The following SNRNP40 variants were observed in gnomAD, a reference collection of about 807,000 sequenced individuals.
SNRNP40 encodes U5 small nuclear ribonucleoprotein 40 kDa protein.
SNRNP40 carries 21 observed loss-of-function variants against 45.8 expected under a neutral mutation model. The ratio of observed to expected loss-of-function variants is 0.46; its 90% CI spans 0.32 to 0.66. The LOEUF is 0.66. SNRNP40 is among the 30% of genes least tolerant of loss of function. The pLI, the probability that SNRNP40 is intolerant of heterozygous loss-of-function variation, is 0.03. For missense variants in SNRNP40, 344 were observed against 439.1 expected (o/e 0.78, Z 1.94); for synonymous variants, 142 against 163.8 (o/e 0.87, Z 1.01).
intron 8 of SNRNP40, among the ~76,000 whole-genome samples, chr1:31,264,194 C>A (rs1003476769): frequency 6.6e-6 from 1 of 152,084 alleles, no homozygotes; most frequent in Non-Finnish European, 1.5e-5. Flanking sequence ...GTCAAAAATG[C>A]AAATAAACAA....
At chr1:31,284,284 G>T (rs1646040243) in intron 4 of SNRNP40, among the ~76,000 whole-genome samples, 1 of 152,200 alleles carries the variant, frequency 6.6e-6, no homozygotes, top group Non-Finnish European at 1.5e-5. Context: ...GGATAGCTGG[G>T]ATTACAGGCA....
At chr1:31,272,755 A>G (rs1372628738) in intron 5 of SNRNP40, among the ~76,000 whole-genome samples, 1 of 152,264 alleles carries the variant, frequency 6.6e-6, no homozygotes, top group African/African-American at 2.4e-5. Context: ...CTATTAAGCA[A>G]AAAAGGAAAA....
rs777499439 is a variant in SNRNP40 at position 31,289,285 on chromosome 1, A to T, written c.500T>A (p.Val167Asp). The T allele has an allele frequency of 6.2e-7, 1 of 1,614,132 alleles. No homozygotes were observed. Among genetic ancestry groups the T allele is most frequent in the Admixed American group, 1.7e-5 (1 of 60,004 alleles). ...CYPARRGPQL[V>D]CTGSDDGTVK... is the part of the protein sequence containing the mutation. Reference sequence around the variant, plus strand: ...TGTGCCATCGTCACTGCCAGTGCAGACAAGCTGAGGGCCTCTCCTGGCTGG... The same window carrying T: ...TGTGCCATCGTCACTGCCAGTGCAGTCAAGCTGAGGGCCTCTCCTGGCTGG... Residue 167 changes from valine (V) to aspartate (D), a missense_variant, in exon 4 of 10, where the codon GTC (valine) becomes GAC (aspartate). By Grantham distance (152) the Val-to-Asp change is radical (BLOSUM62 -3). Coordinates refer to ENST00000263694, the MANE Select transcript of SNRNP40 (RefSeq NM_004814.3).
At chr1:31,291,838 TGAGA>T in intron 3 of SNRNP40, 71 bp downstream of exon 3, 1 of 1,059,838 alleles carries the variant, frequency 9.4e-7, no homozygotes, top group Non-Finnish European at 1.5e-6. Context: ...CAGGGTCTCC[TGAGA>T]AAGGATGAAA....
At chr1:31,291,814 G>A (rs554284287) in intron 3 of SNRNP40, 99 bp downstream of exon 3, 2 of 802,534 alleles carry the variant, frequency 2.5e-6, no homozygotes, top group African/African-American at 3.4e-5. Context: ...CCCAAAATTA[G>A]TAGTTTTTGA....
At chr1:31,266,170 A>G (rs1282014880) in intron 8 of SNRNP40, among the ~76,000 whole-genome samples, 2 of 152,174 alleles carry the variant, frequency 1.3e-5, no homozygotes, top group African/African-American at 4.8e-5. Flanking sequence ...TATGTTCAGA[A>G]TTATTCATTA....
At chr1:31,294,111 C>T (rs1646124985) in intron 1 of SNRNP40, among the ~76,000 whole-genome samples, 3 of 151,944 alleles carry the variant, frequency 2.0e-5, no homozygotes, top group African/African-American at 7.3e-5. Flanking sequence ...GCATGCACAA[C>T]CACGCCCGGC....
rs35811546 is a variant in SNRNP40, at chr1:31,281,467, G to C, written c.561C>G (p.Ile187Met). The C allele has an allele frequency of 1.7e-5, 27 of 1,607,576 alleles. No individual in the cohort carries two copies. In the African/African-American group the frequency reaches 3.2e-4, roughly 19 times the overall value. ...KLWDIRKKAA[I>M]QTFQNTYQVL... ...CCTGGTACGTGTTCTGAAATGTCTG[G>C]ATGGCTGCTTTCTTCCGGATGTCCC... Residue 187 changes from isoleucine to methionine, a missense_variant, in exon 5 of 10, where the codon ATC (isoleucine) becomes ATG (methionine). Ile to Met is a conservative substitution (Grantham distance 10). Around this residue, in one of 2 missense-constraint regions of SNRNP40, gnomAD observed 254 missense variants for 380.2 expected, o/e 0.67. Coordinates refer to ENST00000263694, the MANE Select transcript of SNRNP40 (RefSeq NM_004814.3).
intron 8 of SNRNP40, among the ~76,000 whole-genome samples, chr1:31,267,189 T>C: frequency 6.6e-6 from 1 of 152,188 alleles, no homozygotes; most frequent in Admixed American, 6.5e-5. Context: ...AAATTCCATG[T>C]GCGCAGCATT....
chr1:31,271,453 T>C lies in SNRNP40; in HGVS notation c.701A>G (p.His234Arg), dbSNP rs1158791597. Residue 234 changes from histidine to arginine, a missense_variant, in exon 6 of 10, where the codon CAT becomes CGT. His to Arg is a conservative substitution (Grantham distance 29). Transcript: ENST00000263694. ...QNKLTYTMRG[H>R]ADSVTGLSLS... ...ACTCAGGCCAGTCACTGAATCTGCA[T>C]GGCCTCTCATGGTGTAGGTTAGCTT... The C allele has an allele frequency of 3.7e-6, 6 of 1,613,930 alleles. No individual in the cohort carries two copies. The highest frequency in any genetic ancestry group is 4.2e-6 in the Non-Finnish European group (5 of 1,179,950).
At position 31,289,426 on chromosome 1, in the gene SNRNP40, A is replaced by C. The variant is rs1230558694; in HGVS notation, c.366-7T>G. 1 of 1,607,936 alleles carries C rather than the reference A, an allele frequency of 6.2e-7. No individual in the cohort carries two copies. Among genetic ancestry groups the C allele is most frequent in the Non-Finnish European group, 8.5e-7 (1 of 1,175,816 alleles). Reference sequence around the variant, plus strand: ...GGATGCTGAGAAAAGCATACTAGAAAGTAAGAGAAAGAATAAAAAAGAAAT... The same window carrying C: ...GGATGCTGAGAAAAGCATACTAGAACGTAAGAGAAAGAATAAAAAAGAAAT... On this transcript the variant is annotated splice_polypyrimidine_tract_variant and splice_region_variant and intron_variant, in intron 3 of 9. Coordinates refer to ENST00000263694, the MANE Select transcript of SNRNP40 (RefSeq NM_004814.3).
At position 31,269,201 on chromosome 1, in the gene SNRNP40, C is replaced by T; in HGVS notation, c.815G>A (p.Arg272Lys). 6.2e-7 allele frequency: 1 copy of T among 1,612,446 alleles called. No homozygotes were observed. The highest frequency in any genetic ancestry group is 8.5e-7 in the Non-Finnish European group (1 of 1,179,470). Residue 272 changes from arginine to lysine, a missense_variant, in exon 7 of 10, where the codon AGA (arginine) becomes AAA (lysine). By Grantham distance (26) the Arg-to-Lys change is conservative (BLOSUM62 2). Transcript: ENST00000263694. ...WDVRPFAPKE[R>K]CVKIFQGNVH... The stretch of plus-strand genomic sequence containing the variant: ...ATTTCCTTGAAATATCTTTACACAT[C>T]TCTCTTTGGGGGCAAATGGCCGGAC...
intron 4 of SNRNP40, among the ~76,000 whole-genome samples, chr1:31,284,794 T>C (rs1235411029): frequency 1.3e-5 from 2 of 152,198 alleles, no homozygotes; most frequent in African/African-American, 4.8e-5. Context: ...GGATGAAAAG[T>C]AGTTTCTTCT....
chr1:31,273,502 T>C (rs951050564), intron 5 of SNRNP40, among the ~76,000 whole-genome samples: 14 of 152,072 alleles, frequency 9.2e-5, no homozygotes, highest in African/African-American at 3.1e-4. Flanking sequence ...TAGCCGGGCA[T>C]GGTGGTGCAC....
intron 4 of SNRNP40, among the ~76,000 whole-genome samples, chr1:31,283,646 G>GA (rs2148388114): frequency 6.6e-6 from 1 of 152,296 alleles, no homozygotes; most frequent in African/African-American, 2.4e-5. Flanking sequence ...CCAACCCACA[G>GA]AAAGTCACTA....
intron 4 of SNRNP40, among the ~76,000 whole-genome samples, chr1:31,284,582 TA>T (rs1158947448): frequency 1.3e-5 from 2 of 152,174 alleles, no homozygotes; most frequent in Non-Finnish European, 2.9e-5. Context: ...GTAAATGATT[TA>T]AAAGTATGGG....
At chr1:31,282,581 ATCTATCT>A (rs1453125542) in intron 4 of SNRNP40, 2 of 150,022 alleles carry the variant, frequency 1.3e-5, no homozygotes, top group African/African-American at 4.9e-5. Flanking sequence ...CTATCTATCT[ATCTATCT>A]ATCTATCTAT....
intron 3 of SNRNP40, 150 bp downstream of exon 3, chr1:31,291,763 C>A: frequency 1.6e-6 from 1 of 610,028 alleles, no homozygotes; most frequent in Admixed American, 2.5e-5. Context: ...ATAAACACCT[C>A]ACTTGGGGTG....
At chr1:31,296,553 G>A (rs943035778) in intron 1 of SNRNP40, 58 bp downstream of exon 1, 4 of 1,545,644 alleles carry the variant, frequency 2.6e-6, no homozygotes, top group African/African-American at 2.8e-5. Flanking sequence ...ACCAGATACA[G>A]CGCTCTGAGG....
Sources: gnomAD v4.1 joint callset for allele counts (sites outside exome capture counted in the v4.1 genomes callset) on GRCh38, gnomAD v4.1.1 for gene constraint, gnomAD v4.1.1 regional missense constraint, MANE v1.5 for transcripts, NCBI Gene and HGNC (gene_info 2026-07-23, HGNC 2026-07-21) for gene names.